The following SRCAP variants were observed in gnomAD, a reference collection of about 807,000 sequenced individuals.
SRCAP encodes Snf2 related CREBBP activator protein.
SRCAP carries 46 observed loss-of-function variants against 263.1 expected under a neutral mutation model. That is an observed-to-expected ratio of 0.17 (90% CI 0.14 to 0.22). The LOEUF (loss-of-function observed/expected upper bound fraction) is 0.22. SRCAP is among the 10% of genes least tolerant of loss of function. The pLI, the probability that SRCAP is intolerant of heterozygous loss-of-function variation, is 1.00. For missense variants in SRCAP, 3,695 were observed against 4,181.9 expected (o/e 0.88, Z 3.21); for synonymous variants, 1,813 against 1,662.1 (o/e 1.09, Z -2.21).
chr16:30,738,705 A>G lies in SRCAP; in HGVS notation c.8665A>G (p.Thr2889Ala), dbSNP rs1380534981. 3.7e-6 allele frequency: 6 copies of G among 1,613,758 alleles called. No individual in the cohort carries two copies. In the Admixed American group the frequency reaches 8.3e-5, roughly 22 times the overall value. ...EAPSSTLKGK[T>A]NGADPVPGPE... ...ACCCTCATCCACCTTGAAGGGAAAAACCAATGGGGCTGACCCAGTCCCTGG... is the reference window on the plus strand; with the variant it reads ...ACCCTCATCCACCTTGAAGGGAAAAGCCAATGGGGCTGACCCAGTCCCTGG... The change falls in exon 34 of 34, where the codon ACC (threonine) becomes GCC (alanine). Residue 2889 changes from threonine to alanine, a missense_variant. Transcript: ENST00000262518.
In SRCAP at chr16:30,737,164, G is replaced by A. The variant is rs2053168783; in HGVS notation, c.7124G>A (p.Gly2375Asp). 1.9e-6 allele frequency: 3 copies of A among 1,614,094 alleles called. No individual in the cohort carries two copies. The highest frequency in any genetic ancestry group is 2.5e-6 in the Non-Finnish European group (3 of 1,180,012). ...GGGGATGAGAGTTCCTGTGGGACTGGTGGAGGCACCCACCGGCGCAGTAAA... is the reference window on the plus strand; with the variant it reads ...GGGGATGAGAGTTCCTGTGGGACTGATGGAGGCACCCACCGGCGCAGTAAA... The part of the protein sequence containing the change: ...GAGDESSCGT[G>D]GGTHRRSKKA... Residue 2375 changes from glycine (G) to aspartate (D), a missense_variant, in exon 34 of 34, where the codon GGT (glycine) becomes GAT (aspartate). By Grantham distance (94) the Gly-to-Asp change is moderately conservative. Coordinates refer to ENST00000262518, the MANE Select transcript of SRCAP (RefSeq NM_006662.3).
Position 30,724,511 on chromosome 16 carries a change from C to T in SRCAP, c.5087C>T (p.Pro1696Leu), listed in dbSNP as rs905140253. ...ALAPTLGGSSPSQTLSLGTGN... is the reference protein window; with the variant it reads ...ALAPTLGGSSLSQTLSLGTGN... ...GCACCCACTCTTGGAGGCTCATCTC[C>T]ATCTCAGACACTCTCTTTGGGAACG... The change falls in exon 25 of 34, where the codon CCA becomes CTA. Residue 1696 changes from proline to leucine, a missense_variant. By Grantham distance (98) the Pro-to-Leu change is moderately conservative. This residue lies in a region of SRCAP where 1,347 missense variants were observed against 1,304.4 expected (regional missense o/e 1.03). Transcript: ENST00000262518. 46 of 1,614,098 alleles carry T rather than the reference C, an allele frequency of 2.8e-5. No individual in the cohort carries two copies. Among genetic ancestry groups the T allele is most frequent in the Non-Finnish European group, 3.6e-5 (42 of 1,180,044 alleles).
At chr16:30,714,103 C>T (rs1176019034) in intron 16 of SRCAP, among the ~76,000 whole-genome samples, 5 of 145,522 alleles carry the variant, frequency 3.4e-5, no homozygotes, top group East Asian at 2.0e-4. Context: ...TTCACTCTGT[C>T]GCCCAGGCTG....
rs1169377364 is a variant in SRCAP at position 30,715,956 on chromosome 16, G to C, written c.2494-110G>C. On this transcript the variant is annotated intron_variant, in intron 16 of 33. Coordinates refer to ENST00000262518, the MANE Select transcript of SRCAP (RefSeq NM_006662.3). The stretch of plus-strand genomic sequence containing the variant: ...GCAGTTGACTCATCTTTGTGTGGTT[G>C]GTGTCTGATATGGTGTGCCGTATGA... The C allele has an allele frequency of 3.6e-6, 5 of 1,385,674 alleles. No homozygotes were observed. The African/African-American group carries it at 5.8e-5, about 16-fold the overall frequency. The allele number at this position is 1,385,674 out of a possible 1,614,324, so 85.8% of individuals were successfully genotyped here.
chr16:30,739,622 C>T lies in SRCAP; in HGVS notation c.9582C>T (p.Arg3194=), dbSNP rs1200612429. Reference sequence around the variant, plus strand: ...CCCCACGCCGACGTCCTGGCCCCCGCCGGCTTGTTGGGACCACCAACCAAG... The same window carrying T: ...CCCCACGCCGACGTCCTGGCCCCCGTCGGCTTGTTGGGACCACCAACCAAG... ...DGTPRRRPGP[R]RLVGTTNQGD... is the part of the protein sequence containing the mutation. Residue 3194 remains arginine, a synonymous_variant, in exon 34 of 34, where the codon CGC becomes CGT. Coordinates refer to ENST00000262518, the MANE Select transcript of SRCAP (RefSeq NM_006662.3). 6.3e-7 allele frequency: 1 copy of T among 1,591,306 alleles called. No homozygotes were observed. Among genetic ancestry groups the T allele is most frequent in the Admixed American group, 1.8e-5 (1 of 56,322 alleles).
Position 30,724,690 on chromosome 16 carries a change from C to T in SRCAP, c.5266C>T (p.Pro1756Ser). 1 of 1,614,106 alleles carries T rather than the reference C, an allele frequency of 6.2e-7. No individual in the cohort carries two copies. The highest frequency in any genetic ancestry group is 1.3e-5 in the African/African-American group (1 of 75,018). Residue 1756 changes from proline to serine, a missense_variant, in exon 25 of 34, where the codon CCA (proline) becomes TCA (serine). This residue lies in a region of SRCAP where 1,347 missense variants were observed against 1,304.4 expected (regional missense o/e 1.03). Coordinates refer to ENST00000262518, the MANE Select transcript of SRCAP (RefSeq NM_006662.3). ...LSLAPAPPLA[P>S]ASPVGPAPAH... ...TCTGGCTCCAGCACCCCCTCTGGCT[C>T]CAGCTTCTCCAGTGGGCCCAGCCCC...
rs1362298775 is a variant in SRCAP, at chr16:30,729,303, G to GA, written c.5925-65dup. 1.1e-5 allele frequency: 18 copies of GA among 1,605,074 alleles called. No individual in the cohort carries two copies. The African/African-American group carries it at 1.3e-4, about 12-fold the overall frequency. ...AGTGGATGTAGTGCTTAGGGCTGGT[G>GA]AAGGTGTTAACTTCTGGGGCATTTC... On this transcript the variant is annotated intron_variant, in intron 26 of 33. Transcript: ENST00000262518.
In SRCAP at chr16:30,739,822, G is replaced by T. The variant is rs2053207397; in HGVS notation, c.*89G>T. The T allele has an allele frequency of 1.6e-5, 23 of 1,422,846 alleles. No homozygotes were observed. Among genetic ancestry groups the T allele is most frequent in the Non-Finnish European group, 2.1e-5 (23 of 1,085,728 alleles). The allele number at this position is 1,422,846 out of a possible 1,614,324, so 88.1% of individuals were successfully genotyped here. ...TGTTAACCACTACTTGAAGTCTTGA[G>T]GGGGAAAGCCTCCAGGGAGACATAG... On this transcript the variant is annotated 3_prime_UTR_variant, in exon 34 of 34. Transcript: ENST00000262518.
chr16:30,723,670 C>T lies in SRCAP; in HGVS notation c.4246C>T (p.Pro1416Ser). 2 of 1,613,846 alleles carry T rather than the reference C, an allele frequency of 1.2e-6. No individual in the cohort carries two copies. Residue 1416 changes from proline (P) to serine (S), a missense_variant, in exon 25 of 34, where the codon CCA (proline) becomes TCA (serine). Physicochemically the swap from Pro to Ser is moderately conservative, Grantham distance 74 (BLOSUM62 -1). Around this residue, in one of 12 missense-constraint regions of SRCAP, gnomAD observed 1,347 missense variants for 1,304.4 expected, o/e 1.03. Transcript: ENST00000262518. The part of the protein sequence containing the change: ...SLPGPASSPM[P>S]IPNSSPLASP... Reference sequence around the variant, plus strand: ...CCCTGGGCCAGCCTCTTCTCCAATGCCAATTCCCAACTCCTCTCCCCTTGC... The same window carrying T: ...CCCTGGGCCAGCCTCTTCTCCAATGTCAATTCCCAACTCCTCTCCCCTTGC...
Position 30,711,980 on chromosome 16 carries a change from T to G in SRCAP, c.1638T>G (p.Asp546Glu). Residue 546 changes from aspartate to glutamate, a missense_variant, in exon 12 of 34, where the codon GAT becomes GAG. By Grantham distance (45) the Asp-to-Glu change is conservative. Around this residue, in one of 12 missense-constraint regions of SRCAP, gnomAD observed 288 missense variants for 302.4 expected, o/e 0.95. Coordinates refer to ENST00000262518, the MANE Select transcript of SRCAP (RefSeq NM_006662.3). ...GCCAAGCAGATGAAGAGGAGGAAGA[T>G]GATGATTTTGGGGTGGAGTACTTGC... ...SQSQADEEEE[D>E]DDFGVEYLLA... The G allele has an allele frequency of 6.2e-7, 1 of 1,613,634 alleles. No individual in the cohort carries two copies. Among genetic ancestry groups the G allele is most frequent in the Non-Finnish European group, 8.5e-7 (1 of 1,179,920 alleles).
At chr16:30,714,265 CGT>C (rs1314623371) in intron 16 of SRCAP, among the ~76,000 whole-genome samples, 1 of 151,936 alleles carries the variant, frequency 6.6e-6, no homozygotes, top group Non-Finnish European at 1.5e-5. Flanking sequence ...GGGGTTTCAC[CGT>C]ATTAGCCAGG....
At position 30,724,161 on chromosome 16, in the gene SRCAP, A is replaced by G. The variant is rs779909225; in HGVS notation, c.4737A>G (p.Ala1579=). 6.2e-7 allele frequency: 1 copy of G among 1,613,938 alleles called. No homozygotes were observed. The highest frequency in any genetic ancestry group is 1.7e-5 in the Admixed American group (1 of 60,012). Residue 1579 remains alanine (A), a synonymous_variant, in exon 25 of 34, where the codon GCA becomes GCG. Coordinates refer to ENST00000262518, the MANE Select transcript of SRCAP (RefSeq NM_006662.3). ...CCCTTCTGGCTCCAGCATCTTCTGC[A>G]TCTCAGGCTCTAGCCACCCCTCTGG... ...QASLLAPASS[A]SQALATPLAP... is the part of the protein sequence containing the mutation.
Position 30,737,553 on chromosome 16 carries a change from T to C in SRCAP, c.7513T>C (p.Cys2505Arg). The C allele has an allele frequency of 1.9e-6, 3 of 1,613,630 alleles. No individual in the cohort carries two copies. The highest frequency in any genetic ancestry group is 2.5e-6 in the Non-Finnish European group (3 of 1,179,564). Residue 2505 changes from cysteine (C) to arginine (R), a missense_variant, in exon 34 of 34, where the codon TGT becomes CGT. Coordinates refer to ENST00000262518, the MANE Select transcript of SRCAP (RefSeq NM_006662.3). ...SSPACTPPPA[C>R]TPPPAHTPPP... Reference sequence around the variant, plus strand: ...TCCTGCCTGCACCCCTCCTCCTGCCTGTACCCCTCCACCAGCTCATACACC... The same window carrying C: ...TCCTGCCTGCACCCCTCCTCCTGCCCGTACCCCTCCACCAGCTCATACACC...
intron 4 of SRCAP, among the ~76,000 whole-genome samples, chr16:30,706,816 C>T (rs1306640421): frequency 6.6e-6 from 1 of 152,156 alleles, no homozygotes; most frequent in Non-Finnish European, 1.5e-5. Flanking sequence ...TGGGAAGCTC[C>T]TCTTGGGATA....
rs144657822 is a variant in SRCAP at position 30,723,613 on chromosome 16, A to G, written c.4189A>G (p.Ile1397Val). The change falls in exon 25 of 34, where the codon ATC becomes GTC. Residue 1397 changes from isoleucine to valine, a missense_variant. Coordinates refer to ENST00000262518, the MANE Select transcript of SRCAP (RefSeq NM_006662.3). Reference protein sequence around the residue: ...ASAPGAAPLTISSPLHVPSSL... With the variant: ...ASAPGAAPLTVSSPLHVPSSL... Reference sequence around the variant, plus strand: ...AGCCCCCGGAGCTGCCCCCTTGACCATCTCTTCTCCTCTCCACGTGCCATC... The same window carrying G: ...AGCCCCCGGAGCTGCCCCCTTGACCGTCTCTTCTCCTCTCCACGTGCCATC... 462 of 1,613,116 alleles carry G rather than the reference A, an allele frequency of 2.9e-4. 9 individuals are homozygous for G. In the African/African-American group the frequency reaches 4.2e-3, roughly 15 times the overall value.
chr16:30,710,457 G>A, intron 8 of SRCAP: 1 of 707,926 alleles, frequency 1.4e-6, no homozygotes, highest in Non-Finnish European at 2.6e-6. Flanking sequence ...GTTGGAAGCT[G>A]GCATGGTACC....
intron 4 of SRCAP, among the ~76,000 whole-genome samples, chr16:30,705,161 C>T (rs959922395): frequency 1.5e-4 from 23 of 152,078 alleles, no homozygotes; most frequent in African/African-American, 3.6e-4. Context: ...ATTAGCCTGG[C>T]GTGGTGGCGC....
Position 30,733,530 on chromosome 16 carries a change from T to C in SRCAP, c.6298-72T>C. 1 of 1,604,848 alleles carries C rather than the reference T, an allele frequency of 6.2e-7. No homozygotes were observed. Among genetic ancestry groups the C allele is most frequent in the African/African-American group, 1.3e-5 (1 of 74,730 alleles). On this transcript the variant is annotated intron_variant, in intron 28 of 33. Transcript: ENST00000262518. The surrounding 1 kb of genome is among the most constrained non-coding windows in gnomAD (Gnocchi z 5.3). The stretch of plus-strand genomic sequence containing the variant: ...CCAGGATTTGGGCTTCCAGACGGGG[T>C]GCCACTAAGCCTTTAGACCTGTTTT...
intron 20 of SRCAP, 90 bp from the exon 21 acceptor site, chr16:30,721,099 G>C: frequency 1.3e-6 from 2 of 1,536,542 alleles, no homozygotes; most frequent in South Asian, 1.3e-5. Context: ...TCTAGTATTT[G>C]ATGGGTTGGA....
Sources: allele counts gnomAD v4.1 joint callset (sites outside exome capture counted in the v4.1 genomes callset), GRCh38; gene constraint gnomAD v4.1.1; regional missense constraint gnomAD v4.1.1; non-coding constraint Gnocchi (gnomAD v3.1); transcripts MANE v1.5; gene names NCBI Gene and HGNC (gene_info 2026-07-23, HGNC 2026-07-21).